LCLAT1: variants seen among roughly 807,000 people sequenced by gnomAD.
LCLAT1 encodes the protein 1-AGP acyltransferase 8.
In LCLAT1, 11 loss-of-function variants were observed where a neutral mutation model predicts 30.7. The ratio of observed to expected loss-of-function variants is 0.36; its 90% CI spans 0.23 to 0.59. The LOEUF (loss-of-function observed/expected upper bound fraction) is 0.59. LCLAT1 is among the 20% of genes least tolerant of loss of function. LCLAT1 has a pLI of 0.77. For missense variants in LCLAT1, 402 were observed against 458.6 expected (o/e 0.88, Z 1.13); for synonymous variants, 155 against 151.3 (o/e 1.02, Z -0.18).
intron 3 of LCLAT1, among the ~76,000 whole-genome samples, chr2:30,549,186 A>G (rs1272441048): frequency 6.6e-6 from 1 of 152,238 alleles, no homozygotes; most frequent in East Asian, 1.9e-4. Flanking sequence ...TTCTTTGGCC[A>G]GGAGAAATGG....
chr2:30,507,788 T>A (rs189545156), intron 1 of LCLAT1, among the ~76,000 whole-genome samples: 1 of 152,322 alleles, frequency 6.6e-6, no homozygotes, highest in African/African-American at 2.4e-5. Context: ...CATGTGTCTT[T>A]ATGATAGAAG....
chr2:30,567,411 A>G (rs529355188), intron 4 of LCLAT1, among the ~76,000 whole-genome samples: 1 of 152,260 alleles, frequency 6.6e-6, no homozygotes, highest in South Asian at 2.1e-4. Flanking sequence ...CTCGAAGTGT[A>G]CTTTGAAACT....
At chr2:30,550,411 A>G (rs1397308370) in intron 3 of LCLAT1, among the ~76,000 whole-genome samples, 1 of 152,188 alleles carries the variant, frequency 6.6e-6, no homozygotes, top group African/African-American at 2.4e-5. Context: ...CTTTTTAGTC[A>G]TTGTATCTTC....
intron 1 of LCLAT1, among the ~76,000 whole-genome samples, chr2:30,464,806 A>T (rs1306877165): frequency 6.6e-6 from 1 of 152,202 alleles, no homozygotes; most frequent in Non-Finnish European, 1.5e-5. Flanking sequence ...GGAGACTAGG[A>T]TAGTATCTAA....
intron 1 of LCLAT1, among the ~76,000 whole-genome samples, chr2:30,514,641 C>T (rs1685100207): frequency 6.6e-6 from 1 of 152,058 alleles, no homozygotes; most frequent in African/African-American, 2.4e-5. Context: ...AGAGGTTTTC[C>T]CCTAACCTCC....
intron 5 of LCLAT1, among the ~76,000 whole-genome samples, chr2:30,619,483 C>T (rs1362517018): frequency 6.6e-6 from 1 of 152,122 alleles, no homozygotes; most frequent in Non-Finnish European, 1.5e-5. Flanking sequence ...AAGGTTTTTA[C>T]AAATATGAAA....
intron 1 of LCLAT1, among the ~76,000 whole-genome samples, chr2:30,464,944 C>T (rs1682347350): frequency 6.6e-6 from 1 of 151,984 alleles, no homozygotes; most frequent in African/African-American, 2.4e-5. Flanking sequence ...TGGTTTCAAA[C>T]TCCTGAGCTC....
chr2:30,461,700 A>G (rs554243191), intron 1 of LCLAT1, among the ~76,000 whole-genome samples: 2 of 151,278 alleles, frequency 1.3e-5, no homozygotes, highest in African/African-American at 4.9e-5. Context: ...TGGGCCAACT[A>G]TCTTCCTTGC....
At chr2:30,457,734 TTTTG>T (rs1681904496) in intron 1 of LCLAT1, among the ~76,000 whole-genome samples, 1 of 152,202 alleles carries the variant, frequency 6.6e-6, no homozygotes, top group Non-Finnish European at 1.5e-5. Context: ...AGTGCCACCT[TTTTG>T]TTTGTTTCTT....
chr2:30,497,648 AAT>A (rs1323097829), intron 1 of LCLAT1, among the ~76,000 whole-genome samples: 2 of 152,138 alleles, frequency 1.3e-5, no homozygotes, highest in East Asian at 3.9e-4. Flanking sequence ...TGATTCTCTG[AAT>A]AGTTACTTTT....
chr2:30,540,314 A>G (rs1015431029), intron 3 of LCLAT1, among the ~76,000 whole-genome samples: 1 of 152,194 alleles, frequency 6.6e-6, no homozygotes, highest in Non-Finnish European at 1.5e-5. Flanking sequence ...TTGCTGCATT[A>G]TTTTTAAATG....
chr2:30,637,546 C>G (rs946001977), intron 5 of LCLAT1, among the ~76,000 whole-genome samples: 4 of 152,140 alleles, frequency 2.6e-5, no homozygotes, highest in Non-Finnish European at 5.9e-5. Flanking sequence ...AGCTCAGTCA[C>G]AAAGCTTTTC....
At chr2:30,616,010 G>T (rs1327892290) in intron 5 of LCLAT1, among the ~76,000 whole-genome samples, 3 of 152,138 alleles carry the variant, frequency 2.0e-5, no homozygotes, top group Non-Finnish European at 4.4e-5. Flanking sequence ...GAGAGTTGTG[G>T]TCTCCACTGA....
At chr2:30,462,068 G>T (rs150704344) in intron 1 of LCLAT1, among the ~76,000 whole-genome samples, 1 of 152,038 alleles carries the variant, frequency 6.6e-6, no homozygotes, top group African/African-American at 2.4e-5. Context: ...CACCGCGCCC[G>T]GCCTAAATTA....
chr2:30,452,845 G>A (rs1681627260), intron 1 of LCLAT1, among the ~76,000 whole-genome samples: 1 of 152,064 alleles, frequency 6.6e-6, no homozygotes, highest in Non-Finnish European at 1.5e-5. Flanking sequence ...AGTCTTACAA[G>A]TTTTATTCAC....
chr2:30,568,883 A>AAAAAG (rs1239321620), intron 5 of LCLAT1, among the ~76,000 whole-genome samples: 2 of 150,632 alleles, frequency 1.3e-5, no homozygotes, highest in Admixed American at 6.6e-5. Flanking sequence ...AAAAAAAAAA[A>AAAAAG]AGAGAAAAAA....
intron 3 of LCLAT1, among the ~76,000 whole-genome samples, chr2:30,534,416 C>A (rs1388103181): frequency 6.6e-6 from 1 of 152,000 alleles, no homozygotes; most frequent in Non-Finnish European, 1.5e-5. Flanking sequence ...TAGCTGGGAC[C>A]ACAGGCGCCA....
At chr2:30,509,478 G>T (rs1030684772) in intron 1 of LCLAT1, among the ~76,000 whole-genome samples, 46 of 152,150 alleles carry the variant, frequency 3.0e-4, no homozygotes, top group African/African-American at 1.1e-3. Flanking sequence ...CATGAATGGG[G>T]TGTTGAATAG....
At chr2:30,512,976 T>G (rs991185940) in intron 1 of LCLAT1, among the ~76,000 whole-genome samples, 1 of 152,196 alleles carries the variant, frequency 6.6e-6, no homozygotes, top group African/African-American at 2.4e-5. Context: ...AAATGCACAT[T>G]TCTGTCTTGA....
Sources: allele counts gnomAD v4.1 joint callset (sites outside exome capture counted in the v4.1 genomes callset), GRCh38; gene constraint gnomAD v4.1.1; transcripts MANE v1.5; gene names NCBI Gene and HGNC (gene_info 2026-07-23, HGNC 2026-07-21).